Variants in GORASP2 observed in about 807,000 individuals in gnomAD.
GORASP2 encodes the protein golgi reassembly stacking protein 2.
GORASP2 carries 22 observed loss-of-function variants against 45.7 expected under a neutral mutation model. That is an observed-to-expected ratio of 0.48 (90% confidence interval 0.34 to 0.69). The LOEUF (loss-of-function observed/expected upper bound fraction) is 0.69. GORASP2 is among the 30% of genes least tolerant of loss of function. The pLI is 0.01. For synonymous variants in GORASP2, 221 were observed against 215.6 expected (o/e 1.02, Z -0.22); for missense variants, 491 against 562.7 (o/e 0.87, Z 1.29).
chr2:170,930,022 C>A (rs1703781716), intron 1 of GORASP2: 2 of 294,506 alleles, frequency 6.8e-6, no homozygotes, highest in South Asian at 5.1e-5. Context: ...CCCAAACCTT[C>A]TCAAGATTTC....
In GORASP2 at chr2:170,966,058, C is replaced by G; in HGVS notation, c.1287C>G (p.Val429=). ...CCCCCACCACCGTTGAGGACAGAGT[C>G]GGCGACTCCACCCCAGTCAGCGAGA... ...AKAPTTVEDR[V]GDSTPVSEKP... The change falls in exon 10 of 10, where the codon GTC becomes GTG. Residue 429 remains valine, a synonymous_variant. Transcript: ENST00000234160. 1 of 1,613,990 alleles carries G rather than the reference C, an allele frequency of 6.2e-7. No homozygotes were observed. Among genetic ancestry groups the G allele is most frequent in the Non-Finnish European group, 8.5e-7 (1 of 1,179,912 alleles).
chr2:170,962,566 T>C (rs1180385460), intron 8 of GORASP2, among the ~76,000 whole-genome samples: 1 of 152,264 alleles, frequency 6.6e-6, no homozygotes, highest in Non-Finnish European at 1.5e-5. Context: ...CGGGCCATCA[T>C]CGTTCTTATT....
rs199716338 is a variant in GORASP2 at position 170,949,753 on chromosome 2, A to G, written c.348+11A>G. 148 of 1,560,402 alleles carry G rather than the reference A, an allele frequency of 9.5e-5. No individual in the cohort carries two copies. The highest frequency in any genetic ancestry group is 1.2e-4 in the Non-Finnish European group (135 of 1,131,002). ...GTTTGGCATGTGCTGGTACGTATCA[A>G]CTGTGAACTGTTACTGGAGGTTCAT... On this transcript the variant is annotated intron_variant, in intron 3 of 9. Coordinates refer to ENST00000234160, the MANE Select transcript of GORASP2 (RefSeq NM_015530.5).
intron 5 of GORASP2, 94 bp from the exon 6 acceptor site, chr2:170,954,556 A>T (rs1411876178): frequency 1.1e-6 from 1 of 951,082 alleles, no homozygotes; most frequent in African/African-American, 1.7e-5. Context: ...ACTTGAATCT[A>T]TGCTCTTGGG....
At chr2:170,941,289 T>C (rs1704072108) in intron 1 of GORASP2, among the ~76,000 whole-genome samples, 1 of 152,236 alleles carries the variant, frequency 6.6e-6, no homozygotes, top group Admixed American at 6.5e-5. Context: ...ATAATTGCTC[T>C]TTAGTATTTT....
At chr2:170,964,495 A>T (rs1442478327) in intron 9 of GORASP2, among the ~76,000 whole-genome samples, 6 of 152,142 alleles carry the variant, frequency 3.9e-5, no homozygotes, top group African/African-American at 1.4e-4. Flanking sequence ...TCTATTAAAA[A>T]TAGAAAAAGT....
In GORASP2 at chr2:170,929,409, G is replaced by A. The variant is rs769374149; in HGVS notation, c.63+6G>A. On this transcript the variant is annotated splice_donor_region_variant and intron_variant, in intron 1 of 9. Transcript: ENST00000234160. ...AGGGCTACCACGTTCTGCGGGTAAGGGCTCCGACGGCGGCCGGGGAGCTGC... is the reference window on the plus strand; with the variant it reads ...AGGGCTACCACGTTCTGCGGGTAAGAGCTCCGACGGCGGCCGGGGAGCTGC... 1.4e-6 allele frequency: 2 copies of A among 1,385,776 alleles called. 1 individual carries two copies. The highest frequency in any genetic ancestry group is 3.5e-5 in the South Asian group (2 of 56,828). The allele number at this position is 1,385,776 out of a possible 1,614,324, so 85.8% of individuals were successfully genotyped here. A position where few individuals can be genotyped will look rare whatever the true frequency, so the allele number is the denominator to read the frequency against.
intron 9 of GORASP2, among the ~76,000 whole-genome samples, chr2:170,963,636 T>C (rs1323697257): frequency 1.3e-5 from 2 of 151,866 alleles, no homozygotes; most frequent in East Asian, 3.9e-4. Context: ...TGGGCTTGTA[T>C]TTTTTGTTTT....
intron 6 of GORASP2, 40 bp downstream of exon 6, chr2:170,954,822 T>C (rs1239798172): frequency 6.4e-7 from 1 of 1,559,648 alleles, no homozygotes; most frequent in South Asian, 1.2e-5. Flanking sequence ...ATAAAGTTTT[T>C]ACCAAAACGA....
intron 1 of GORASP2, among the ~76,000 whole-genome samples, chr2:170,937,156 C>T (rs899032004): frequency 1.3e-5 from 2 of 151,282 alleles, no homozygotes; most frequent in Admixed American, 6.6e-5. Flanking sequence ...TGCAGTGAGC[C>T]GAGATGGTGC....
At chr2:170,955,849 G>A (rs1005025187) in intron 6 of GORASP2, among the ~76,000 whole-genome samples, 8 of 152,244 alleles carry the variant, frequency 5.3e-5, no homozygotes, top group African/African-American at 1.9e-4. Context: ...CACTGGAGCT[G>A]CAGAAGGTGG....
Position 170,966,148 on chromosome 2 carries a change from G to A in GORASP2, c.*18G>A. On this transcript the variant is annotated 3_prime_UTR_variant, in exon 10 of 10. Coordinates refer to ENST00000234160, the MANE Select transcript of GORASP2 (RefSeq NM_015530.5). ...CACCTTAACTTTGAACCATTCTTTG[G>A]AATTGGCGTGGTATATTTAACCACG... The A allele has an allele frequency of 6.4e-7, 1 of 1,570,480 alleles. No individual in the cohort carries two copies. Among genetic ancestry groups the A allele is most frequent in the Non-Finnish European group, 8.8e-7 (1 of 1,140,340 alleles).
chr2:170,962,809 C>A (rs371985443), intron 8 of GORASP2, 30 bp from the exon 9 acceptor site: 36 of 1,427,528 alleles, frequency 2.5e-5, no homozygotes, highest in Non-Finnish European at 3.2e-5. Context: ...CAAGTGATTT[C>A]TCTTTTTTTC....
chr2:170,946,365 T>A (rs1704182258), intron 1 of GORASP2, among the ~76,000 whole-genome samples: 1 of 152,052 alleles, frequency 6.6e-6, no homozygotes, highest in African/African-American at 2.4e-5. Context: ...GGGAAAATAT[T>A]TTGGAAAAAA....
intron 1 of GORASP2, among the ~76,000 whole-genome samples, chr2:170,941,740 G>A (rs2105315866): frequency 6.6e-6 from 1 of 152,214 alleles, no homozygotes; most frequent in African/African-American, 2.4e-5. Flanking sequence ...GAGAGAATAT[G>A]CCAATATTTA....
chr2:170,966,917 C>CT lies in GORASP2; in HGVS notation c.*794dup, dbSNP rs1164807999. On this transcript the variant is annotated 3_prime_UTR_variant, in exon 10 of 10. Transcript: ENST00000234160. ...ACAGCAATAAAGTACAGTAATTTTA[C>CT]TTTTTTTCTTGTGTTACATCTAAAT... 1 of 152,230 alleles carries CT rather than the reference C, an allele frequency of 6.6e-6. No individual in the cohort carries two copies. Among genetic ancestry groups the CT allele is most frequent in the Non-Finnish European group, 1.5e-5 (1 of 68,022 alleles). The allele number at this position is 152,230 out of a possible 1,614,324, so 9.4% of individuals were successfully genotyped here.
chr2:170,961,945 T>C (rs1704571321), intron 8 of GORASP2, among the ~76,000 whole-genome samples, 196 bp downstream of exon 8: 3 of 152,212 alleles, frequency 2.0e-5, no homozygotes, highest in Admixed American at 1.3e-4. Context: ...GAGATGTCAT[T>C]TACCAGCTAG....
intron 1 of GORASP2, among the ~76,000 whole-genome samples, chr2:170,945,285 A>AC (rs1397290470): frequency 6.6e-6 from 1 of 151,996 alleles, no homozygotes; most frequent in Admixed American, 6.6e-5. Flanking sequence ...ACATAGCAAG[A>AC]CCCCCATCTC....
intron 1 of GORASP2, chr2:170,929,639 C>A (rs1703766897): frequency 3.3e-6 from 2 of 607,614 alleles, no homozygotes; most frequent in Non-Finnish European, 6.1e-6. Flanking sequence ...GAGCTGGAGG[C>A]GGCTGCCGGC....
Sources: gnomAD v4.1 joint callset for allele counts (sites outside exome capture counted in the v4.1 genomes callset) on GRCh38, gnomAD v4.1.1 for gene constraint, MANE v1.5 for transcripts, NCBI Gene and HGNC (gene_info 2026-07-23, HGNC 2026-07-21) for gene names.